RTEL1: variants seen among roughly 807,000 people sequenced by gnomAD.
RTEL1 encodes the protein regulator of telomere elongation helicase 1, also known as regulator of telomere length.
In RTEL1, 86 loss-of-function variants were observed where a neutral mutation model predicts 162.2. That is an observed-to-expected ratio of 0.53 (90% CI 0.45 to 0.63). The LOEUF is 0.63. Ranked by LOEUF, RTEL1 falls within the 30% of genes least tolerant of loss-of-function variation. RTEL1 has a pLI of 0.00. For synonymous variants in RTEL1, 958 were observed against 717.9 expected (o/e 1.33, Z -5.35); for missense variants, 1,941 against 1,750.2 (o/e 1.11, Z -1.95).
chr20:63,670,809 C>G (rs1359444980), intron 8 of RTEL1, among the ~76,000 whole-genome samples: 2 of 131,504 alleles, frequency 1.5e-5, no homozygotes, highest in Admixed American at 1.6e-4. Flanking sequence ...ATAGGGAGAC[C>G]CCATCTCAAA....
intron 16 of RTEL1, 197 bp from the exon 17 acceptor site, chr20:63,687,441 G>A (rs2090621682): frequency 3.3e-6 from 2 of 605,696 alleles, no homozygotes; most frequent in Non-Finnish European, 5.6e-6. Flanking sequence ...CTGTCCCCCA[G>A]AGGGGCCCCA....
intron 14 of RTEL1, among the ~76,000 whole-genome samples, chr20:63,684,661 T>G (rs1023867612): frequency 3.3e-5 from 5 of 151,952 alleles, no homozygotes; most frequent in Admixed American, 3.3e-4. Flanking sequence ...TTAGTAGAAA[T>G]GGGGTTTTGC....
chr20:63,688,492 C>G (rs1468627446), intron 20 of RTEL1, 36 bp from the exon 21 acceptor site: 2 of 1,606,104 alleles, frequency 1.2e-6, no homozygotes, highest in Non-Finnish European at 8.5e-7. Flanking sequence ...GGCGGCGTGA[C>G]CAGGGCTGCC....
At chr20:63,694,319 GGA>G in intron 30 of RTEL1, 51 bp from the exon 31 acceptor site, 1 of 966,160 alleles carries the variant, frequency 1.0e-6, no homozygotes, top group Non-Finnish European at 1.6e-6. Context: ...CCCACCCCAG[GGA>G]ACTTTCCAGA....
At chr20:63,662,762 G>A in intron 5 of RTEL1, 67 bp from the exon 6 acceptor site, 1 of 1,599,376 alleles carries the variant, frequency 6.3e-7, no homozygotes, top group South Asian at 1.1e-5. Flanking sequence ...ACCTGGTGGG[G>A]GTGGGGACTG....
intron 10 of RTEL1, among the ~76,000 whole-genome samples, chr20:63,675,288 A>G (rs975992433): frequency 3.3e-5 from 5 of 152,166 alleles, no homozygotes; most frequent in Non-Finnish European, 4.4e-5. Context: ...CTGTGACACT[A>G]CTTGCTCGTG....
chr20:63,670,618 CTG>C (rs1253585956), intron 8 of RTEL1, among the ~76,000 whole-genome samples: 1 of 152,230 alleles, frequency 6.6e-6, no homozygotes, highest in Admixed American at 6.5e-5. Context: ...TCATCCATCG[CTG>C]TGAAGTTGTG....
At chr20:63,660,930 A>C in intron 2 of RTEL1, 1 of 219,288 alleles carries the variant, frequency 4.6e-6, no homozygotes, top group Admixed American at 5.4e-5. Context: ...CCCGTCTGAG[A>C]GCTTGTATGT....
rs2090017502 is a variant in RTEL1 at position 63,661,393 on chromosome 20, C to G, written c.198C>G (p.Gly66=). The G allele has an allele frequency of 6.2e-7, 1 of 1,613,822 alleles. No homozygotes were observed. The highest frequency in any genetic ancestry group is 1.7e-5 in the Admixed American group (1 of 60,010). Residue 66 remains glycine, a synonymous_variant, in exon 3 of 35, where the codon GGC becomes GGG. Transcript: ENST00000360203. This position sits in a 1 kb window ranked among gnomAD's most constrained non-coding sequence, Gnocchi z 5.1. ...TLAWREHLRD[G]ISARKIAERA... ...CCTGGCGAGAACACCTCCGAGACGG[C>G]ATCTCTGCCCGCAAGATTGCCGAGA...
chr20:63,691,091 C>T, intron 27 of RTEL1, 144 bp downstream of exon 27: 1 of 913,998 alleles, frequency 1.1e-6, no homozygotes, highest in Non-Finnish European at 1.6e-6. Context: ...GGCGGGGGAT[C>T]CCAGCTGCCT....
rs2090724126 is a variant in RTEL1, at chr20:63,690,913, G to C, written c.2522G>C (p.Ser841Thr). 2 of 1,568,676 alleles carry C rather than the reference G, an allele frequency of 1.3e-6. 1 individual carries two copies. Among genetic ancestry groups the C allele is most frequent in the South Asian group, 2.3e-5 (2 of 86,106 alleles). The change falls in exon 27 of 35, where the codon AGC becomes ACC. Residue 841 changes from serine to threonine, a missense_variant. By Grantham distance (58) the Ser-to-Thr change is moderately conservative. Transcript: ENST00000360203. ...GGGCTGCTGGCCGCCCTGGAGCACA[G>C]CGAACAGCGGGCGGGGAGCCCTGGC... Reference protein sequence around the residue: ...PRGLLAALEHSEQRAGSPGEE... With the variant: ...PRGLLAALEHTEQRAGSPGEE...
chr20:63,669,453 A>G (rs56227019), intron 8 of RTEL1, among the ~76,000 whole-genome samples: 1 of 152,084 alleles, frequency 6.6e-6, no homozygotes, highest in Non-Finnish European at 1.5e-5. Context: ...TAAAGCTTCA[A>G]CTCTGTGGAA....
chr20:63,661,468 C>A lies in RTEL1; in HGVS notation c.273C>A (p.Asn91Lys). ...ATCGGGCCTTGTCATCCTGGGGCAACGCTGCTGCTGCTGCTGGAGACCCCA... is the reference window on the plus strand; with the variant it reads ...ATCGGGCCTTGTCATCCTGGGGCAAAGCTGCTGCTGCTGCTGGAGACCCCA... Reference protein sequence around the residue: ...FPDRALSSWGNAAAAAGDPIA... With the variant: ...FPDRALSSWGKAAAAAGDPIA... Residue 91 changes from asparagine to lysine, a missense_variant, in exon 3 of 35, where the codon AAC (asparagine) becomes AAA (lysine). Coordinates refer to ENST00000360203, the MANE Select transcript of RTEL1 (RefSeq NM_001283009.2). This position sits in a 1 kb window ranked among gnomAD's most constrained non-coding sequence, Gnocchi z 5.1. 4 of 1,611,920 alleles carry A rather than the reference C, an allele frequency of 2.5e-6. No homozygotes were observed. The highest frequency in any genetic ancestry group is 8.5e-7 in the Non-Finnish European group (1 of 1,179,504).
chr20:63,678,976 C>T (rs1433416564), intron 12 of RTEL1, among the ~76,000 whole-genome samples: 1 of 152,178 alleles, frequency 6.6e-6, no homozygotes, highest in East Asian at 1.9e-4. Context: ...CTCCTCCAGG[C>T]CTTTCCCTGG....
chr20:63,662,980 G>A (rs1418222039), intron 6 of RTEL1, 91 bp downstream of exon 6: 3 of 1,303,530 alleles, frequency 2.3e-6, no homozygotes, highest in East Asian at 2.3e-5. Context: ...GGTTGTGCTT[G>A]CCCGGTGGGG....
Position 63,661,599 on chromosome 20 carries a change from A to G in RTEL1, c.301+103A>G, listed in dbSNP as rs2090021992. On this transcript the variant is annotated intron_variant, in intron 3 of 34. Transcript: ENST00000360203. The surrounding 1 kb of genome is among the most constrained non-coding windows in gnomAD (Gnocchi z 5.1). ...CCATGGGGACTCCTGCCGTCTCTCA[A>G]GCAGAACTCAAGGAGAATTTTTTAG... 1 of 1,208,174 alleles carries G rather than the reference A, an allele frequency of 8.3e-7. No homozygotes were observed. The highest frequency in any genetic ancestry group is 1.2e-6 in the Non-Finnish European group (1 of 869,028). 74.8% of individuals were successfully genotyped at this position (1,208,174 alleles called of 1,614,324 possible). A position where few individuals can be genotyped will look rare whatever the true frequency, so the allele number is the denominator to read the frequency against.
At chr20:63,677,130 C>G (rs1471288895) in intron 10 of RTEL1, among the ~76,000 whole-genome samples, 3 of 152,202 alleles carry the variant, frequency 2.0e-5, no homozygotes. Flanking sequence ...ATTTTTCACA[C>G]TCATGTCCTG....
chr20:63,683,512 GCA>G (rs990672615), intron 14 of RTEL1, among the ~76,000 whole-genome samples: 16 of 152,206 alleles, frequency 1.1e-4, no homozygotes, highest in South Asian at 6.2e-4. Flanking sequence ...TGCAGAGTAC[GCA>G]CACACGCACG....
In RTEL1 at chr20:63,661,860, G is replaced by A. The variant is rs1348086708; in HGVS notation, c.312G>A (p.Thr104=). Residue 104 remains threonine (T), a synonymous_variant, in exon 4 of 35, where the codon ACG becomes ACA. Coordinates refer to ENST00000360203, the MANE Select transcript of RTEL1 (RefSeq NM_001283009.2). This position sits in a 1 kb window ranked among gnomAD's most constrained non-coding sequence, Gnocchi z 5.1. ...AAAGDPIACY[T]DIPKIIYASR... ...CTTGTGTCTGGTCAGCTTGCTACAC[G>A]GACATCCCAAAGATTATTTACGCCT... is the stretch of plus-strand genomic sequence containing the variant. The A allele has an allele frequency of 8.7e-5, 141 of 1,614,024 alleles. 1 individual carries two copies. Among genetic ancestry groups the A allele is most frequent in the Non-Finnish European group, 1.2e-4 (138 of 1,179,962 alleles).
Sources: allele counts gnomAD v4.1 joint callset (sites outside exome capture counted in the v4.1 genomes callset), GRCh38; gene constraint gnomAD v4.1.1; non-coding constraint Gnocchi (gnomAD v3.1); transcripts MANE v1.5; gene names NCBI Gene and HGNC (gene_info 2026-07-23, HGNC 2026-07-21).